The following MYRIP variants were observed in gnomAD, a reference collection of about 807,000 sequenced individuals.
The protein encoded by MYRIP is myosin VIIA and Rab interacting protein.
MYRIP carries 49 observed loss-of-function variants against 98.0 expected under a neutral mutation model. That is an observed-to-expected ratio of 0.50 (90% CI 0.40 to 0.63). The LOEUF is 0.63. Among genes scored for constraint, MYRIP ranks in the 30% least tolerant of loss-of-function variants. The pLI is 0.00. For missense variants in MYRIP, 1,004 were observed against 1,058.2 expected (o/e 0.95, Z 0.71); for synonymous variants, 404 against 409.5 (o/e 0.99, Z 0.16).
chr3:39,815,944 C>G (rs1254605744), intron 1 of MYRIP, among the ~76,000 whole-genome samples: 1 of 141,912 alleles, frequency 7.0e-6, no homozygotes, highest in African/African-American at 2.6e-5. Flanking sequence ...TTTTTTATAT[C>G]CTCTTTAACA....
At chr3:40,040,981 T>TAAAAA (rs201195237) in intron 2 of MYRIP, among the ~76,000 whole-genome samples, 1 of 29,572 alleles carries the variant, frequency 3.4e-5, no homozygotes, top group Admixed American at 4.8e-4. Flanking sequence ...TAGAGTATAA[T>TAAAAA]AAAAAAAAAA....
intron 1 of MYRIP, among the ~76,000 whole-genome samples, chr3:39,835,118 G>A (rs772816702): frequency 3.3e-5 from 5 of 152,022 alleles, no homozygotes; most frequent in Admixed American, 2.6e-4. Flanking sequence ...AATAAAATAT[G>A]CTTTTTATTG....
Position 40,258,384 on chromosome 3 carries a change from G to C in MYRIP, c.*218G>C. On this transcript the variant is annotated 3_prime_UTR_variant, in exon 17 of 17. Coordinates refer to ENST00000302541, the MANE Select transcript of MYRIP (RefSeq NM_015460.4). ...GCCCACTCTCTGCCTTAGGCTCCCA[G>C]GGGAATCCAAGACAGAAAATGAAGA... is the stretch of plus-strand genomic sequence containing the variant. The C allele has an allele frequency of 3.9e-6, 2 of 506,978 alleles. No individual in the cohort carries two copies. The highest frequency in any genetic ancestry group is 7.1e-6 in the Non-Finnish European group (2 of 281,790). 31.4% of individuals were successfully genotyped at this position (506,978 alleles called of 1,614,324 possible).
chr3:39,964,238 A>C (rs1945389696), intron 2 of MYRIP, among the ~76,000 whole-genome samples: 1 of 152,134 alleles, frequency 6.6e-6, no homozygotes. Context: ...CAGAAAAAAA[A>C]CTTTGCTTTC....
chr3:40,166,980 G>A, intron 6 of MYRIP, 37 bp downstream of exon 6: 1 of 1,523,060 alleles, frequency 6.6e-7, no homozygotes, highest in Non-Finnish European at 9.1e-7. Flanking sequence ...GGGGGGAGGT[G>A]TGGGTTGGGG....
intron 2 of MYRIP, among the ~76,000 whole-genome samples, chr3:39,955,441 A>C (rs534604633): frequency 2.1e-4 from 32 of 152,290 alleles, no homozygotes; most frequent in African/African-American, 7.7e-4. Context: ...TTCATAAATG[A>C]AGGAGAAATA....
chr3:40,190,965 C>A (rs1419825068), intron 10 of MYRIP, among the ~76,000 whole-genome samples: 2 of 152,156 alleles, frequency 1.3e-5, no homozygotes, highest in Non-Finnish European at 1.5e-5. Flanking sequence ...GATATTAGAA[C>A]CCACCTCAAA....
intron 12 of MYRIP, among the ~76,000 whole-genome samples, chr3:40,236,773 G>A (rs1221400828): frequency 1.3e-5 from 2 of 152,140 alleles, no homozygotes; most frequent in African/African-American, 4.8e-5. Context: ...GCCAGCTCCT[G>A]CAGAGTCAAC....
intron 11 of MYRIP, among the ~76,000 whole-genome samples, chr3:40,215,631 T>TA (rs1189942234): frequency 6.6e-6 from 1 of 152,206 alleles, no homozygotes; most frequent in Admixed American, 6.5e-5. Context: ...GGTGTTAACA[T>TA]AAAATCAAGT....
At chr3:39,971,636 C>T (rs2125745452) in intron 2 of MYRIP, among the ~76,000 whole-genome samples, 1 of 152,168 alleles carries the variant, frequency 6.6e-6, no homozygotes, top group African/African-American at 2.4e-5. Flanking sequence ...TTGGCATAAG[C>T]TGACCATGTG....
intron 3 of MYRIP, among the ~76,000 whole-genome samples, chr3:40,061,243 C>T (rs1366385707): frequency 6.6e-6 from 1 of 152,182 alleles, no homozygotes; most frequent in African/African-American, 2.4e-5. Context: ...CTACCCTCCA[C>T]CCTCCAGTAG....
chr3:40,070,046 T>C (rs993463598), intron 3 of MYRIP, among the ~76,000 whole-genome samples: 1 of 152,182 alleles, frequency 6.6e-6, no homozygotes, highest in Non-Finnish European at 1.5e-5. Context: ...AAATATAAAC[T>C]AAGTATAATT....
chr3:40,128,121 G>A (rs192417356), intron 3 of MYRIP, among the ~76,000 whole-genome samples: 5 of 152,248 alleles, frequency 3.3e-5, no homozygotes, highest in African/African-American at 1.2e-4. Flanking sequence ...ATTAACCTCA[G>A]TAGGGAAGGC....
intron 2 of MYRIP, among the ~76,000 whole-genome samples, chr3:39,975,229 C>A (rs1372233707): frequency 6.6e-6 from 1 of 152,130 alleles, no homozygotes; most frequent in Non-Finnish European, 1.5e-5. Flanking sequence ...GTGCAAAAAT[C>A]ACAAGCATTC....
intron 2 of MYRIP, among the ~76,000 whole-genome samples, chr3:40,022,296 G>T (rs1228798345): frequency 3.3e-5 from 5 of 152,232 alleles, no homozygotes; most frequent in African/African-American, 1.2e-4. Flanking sequence ...TTAAAATTCA[G>T]TGTGGTATGG....
At chr3:39,839,047 T>A (rs1388000030) in intron 1 of MYRIP, among the ~76,000 whole-genome samples, 2 of 152,080 alleles carry the variant, frequency 1.3e-5, no homozygotes, top group African/African-American at 4.8e-5. Flanking sequence ...ATTCCCTTTA[T>A]TATTTTTTAT....
chr3:40,209,751 G>A lies in MYRIP; in HGVS notation c.1666-103G>A. 11 of 1,478,008 alleles carry A rather than the reference G, an allele frequency of 7.4e-6. No homozygotes were observed. In the South Asian group the frequency reaches 1.5e-4, roughly 20 times the overall value. 91.6% of individuals were successfully genotyped at this position (1,478,008 alleles called of 1,614,324 possible). On this transcript the variant is annotated intron_variant, in intron 10 of 16. Transcript: ENST00000302541. The stretch of plus-strand genomic sequence containing the variant: ...AGGTAAGAAAGCTGTTACTTTCCTA[G>A]ACTATATGTTCCTATGTTCCTTTAC...
At chr3:39,814,977 T>C (rs1423344556) in intron 1 of MYRIP, among the ~76,000 whole-genome samples, 1 of 152,216 alleles carries the variant, frequency 6.6e-6, no homozygotes, top group African/African-American at 2.4e-5. Flanking sequence ...ATTAGGCACC[T>C]TATAGGTTTT....
At chr3:39,955,959 A>C (rs1559535729) in intron 2 of MYRIP, among the ~76,000 whole-genome samples, 1 of 152,216 alleles carries the variant, frequency 6.6e-6, no homozygotes, top group Non-Finnish European at 1.5e-5. Flanking sequence ...AAAGAGATCA[A>C]TTCCACAAGA....
Sources: allele counts gnomAD v4.1 joint callset (sites outside exome capture counted in the v4.1 genomes callset), GRCh38; gene constraint gnomAD v4.1.1; transcripts MANE v1.5; gene names NCBI Gene and HGNC (gene_info 2026-07-23, HGNC 2026-07-21).